STK31: variants seen among roughly 807,000 people sequenced by gnomAD.
STK31 encodes the protein serine/threonine-protein kinase 31.
In STK31, 89 loss-of-function variants were observed where a neutral mutation model predicts 129.7. The observed-to-expected ratio is 0.69, with a 90% CI of 0.58 to 0.82. The LOEUF is 0.82. STK31 is among the 40% of genes least tolerant of loss of function. STK31 has a pLI of 0.00. For synonymous variants in STK31, 448 were observed against 395.3 expected, an observed-to-expected ratio of 1.13 and a Z score of -1.58; for missense variants, 1,187 against 1,176.4, an observed-to-expected ratio of 1.01 and a Z score of -0.13.
chr7:23,814,625 G>A (rs1485950995), intron 22 of STK31, among the ~76,000 whole-genome samples: 1 of 152,058 alleles, frequency 6.6e-6, no homozygotes, highest in Non-Finnish European at 1.5e-5. Context: ...ATTGGCTGAT[G>A]GTTGTTAGGG....
chr7:23,712,533 T>C (rs1288560619), intron 3 of STK31, among the ~76,000 whole-genome samples: 1 of 152,190 alleles, frequency 6.6e-6, no homozygotes, highest in Non-Finnish European at 1.5e-5. Context: ...GGCAAGATTG[T>C]GATTTCAGAA....
chr7:23,794,917 G>A (rs754476508), intron 22 of STK31, among the ~76,000 whole-genome samples: 1 of 152,132 alleles, frequency 6.6e-6, no homozygotes, highest in Non-Finnish European at 1.5e-5. Flanking sequence ...ACAAAGATAT[G>A]GTTTGGAATT....
intron 22 of STK31, among the ~76,000 whole-genome samples, chr7:23,810,814 ATATAAATATG>A (rs1562623693): frequency 7.1e-6 from 1 of 140,978 alleles, no homozygotes; most frequent in Non-Finnish European, 1.5e-5. Flanking sequence ...ATATATTTGT[ATATAAATATG>A]TATAAATATA....
intron 4 of STK31, among the ~76,000 whole-genome samples, chr7:23,724,537 C>G (rs895766521): frequency 1.3e-5 from 2 of 152,194 alleles, no homozygotes; most frequent in African/African-American, 4.8e-5. Context: ...CCCTGCCTCA[C>G]CTGGTTTGCA....
chr7:23,823,232 G>A lies in STK31; in HGVS notation c.2829+8020G>A, dbSNP rs539398566. Among the ~76,000 whole-genome samples, 20 of 152,112 alleles carry A rather than the reference G, an allele frequency of 1.3e-4. No homozygotes were observed. The East Asian group carries it at 2.3e-3, about 18-fold the overall frequency. ...CCACCAACAGTGTAAAAGTGTTCCT[G>A]TTTCTCCACATCATCTCCAGCACCT... On this transcript the variant is annotated intron_variant, in intron 23 of 23. Coordinates refer to ENST00000355870, the MANE Select transcript of STK31 (RefSeq NM_031414.5).
chr7:23,768,837 G>T (rs1789992909), intron 11 of STK31, among the ~76,000 whole-genome samples, 158 bp from the exon 12 acceptor site: 1 of 152,128 alleles, frequency 6.6e-6, no homozygotes, highest in Admixed American at 6.5e-5. Context: ...AGGTAGTTTT[G>T]TGTTTTCATC....
Position 23,825,848 on chromosome 7 carries a change from C to T in STK31, c.2830-6288C>T, listed in dbSNP as rs1451361255. 4.6e-5 allele frequency among the ~76,000 whole-genome samples: 7 copies of T among 152,246 alleles called. No homozygotes were observed. The South Asian group carries it at 6.2e-4, about 14-fold the overall frequency. On this transcript the variant is annotated intron_variant, in intron 23 of 23. Transcript: ENST00000355870. ...AACATCTTTATTTCTGCCTTCATTT[C>T]GTTATGTGCTCAGTAGTCATTCAGG...
chr7:23,719,806 G>C (rs1310717451), intron 4 of STK31, among the ~76,000 whole-genome samples: 2 of 152,080 alleles, frequency 1.3e-5, no homozygotes, highest in African/African-American at 4.8e-5. Context: ...TATTGGAGCT[G>C]AGATTTTTGA....
intron 23 of STK31, among the ~76,000 whole-genome samples, chr7:23,816,923 C>T (rs1254367635): frequency 6.6e-6 from 1 of 152,112 alleles, no homozygotes; most frequent in African/African-American, 2.4e-5. Flanking sequence ...TGGTGGCTCA[C>T]GCCTGTAATC....
intron 22 of STK31, 25 bp downstream of exon 22, chr7:23,790,971 G>T: frequency 6.7e-7 from 1 of 1,483,154 alleles, no homozygotes; most frequent in Non-Finnish European, 9.0e-7. Flanking sequence ...TGTTGAAATA[G>T]ATCATATATA....
chr7:23,769,137 T>C lies in STK31; in HGVS notation c.1559T>C (p.Leu520Pro). 1 of 1,611,076 alleles carries C rather than the reference T, an allele frequency of 6.2e-7. No homozygotes were observed. Among genetic ancestry groups the C allele is most frequent in the Non-Finnish European group, 8.5e-7 (1 of 1,178,628 alleles). ...GTTAGAAGTGAAACAGACGCTTCTC[T>C]GCACCGTCTTGTAGCATGGTTCCAA... is the stretch of plus-strand genomic sequence containing the variant. Reference protein sequence around the residue: ...TSVRSETDASLHRLVAWFQRT... With the variant: ...TSVRSETDASPHRLVAWFQRT... The change falls in exon 12 of 24, where the codon CTG (leucine) becomes CCG (proline). Residue 520 changes from leucine (L) to proline (P), a missense_variant. Leu to Pro is a moderately conservative substitution (Grantham distance 98). Transcript: ENST00000355870.
intron 18 of STK31, among the ~76,000 whole-genome samples, chr7:23,786,056 GTTTCCCTCAT>G (rs1791264461): frequency 1.3e-5 from 2 of 151,664 alleles, no homozygotes; most frequent in South Asian, 4.2e-4. Flanking sequence ...AAAAAATAAA[GTTTCCCTCAT>G]TTCCCTAAAT....
chr7:23,733,239 G>T (rs866858008), intron 6 of STK31, among the ~76,000 whole-genome samples: 1 of 151,858 alleles, frequency 6.6e-6, no homozygotes, highest in African/African-American at 2.4e-5. Flanking sequence ...AAGTATTTTC[G>T]TGTTTTGTGG....
intron 8 of STK31, among the ~76,000 whole-genome samples, chr7:23,739,247 A>G: frequency 6.6e-6 from 1 of 152,108 alleles, no homozygotes; most frequent in South Asian, 2.1e-4. Flanking sequence ...GCTTTTTGTC[A>G]TAGTTTTTTG....
At chr7:23,725,380 A>G (rs868227872) in intron 4 of STK31, among the ~76,000 whole-genome samples, 8 of 146,298 alleles carry the variant, frequency 5.5e-5, no homozygotes, top group Admixed American at 1.4e-4. Context: ...TACAAAAAAA[A>G]AAAAAAAAAA....
At chr7:23,811,831 T>A (rs977992982) in intron 22 of STK31, among the ~76,000 whole-genome samples, 1 of 152,238 alleles carries the variant, frequency 6.6e-6, no homozygotes, top group Non-Finnish European at 1.5e-5. Context: ...TATTACATTC[T>A]AGTGATGTCA....
chr7:23,731,392 T>C (rs889917213), intron 6 of STK31, among the ~76,000 whole-genome samples: 1 of 152,192 alleles, frequency 6.6e-6, no homozygotes, highest in Non-Finnish European at 1.5e-5. Flanking sequence ...CTCTGTGGTG[T>C]TTTAGTCACT....
At chr7:23,744,976 AGT>A (rs770332331) in intron 8 of STK31, among the ~76,000 whole-genome samples, 5 of 152,030 alleles carry the variant, frequency 3.3e-5, no homozygotes, top group Non-Finnish European at 7.4e-5. Flanking sequence ...CAGACAGGTG[AGT>A]GTGTTCTTGG....
At chr7:23,731,041 G>T (rs917426187) in intron 6 of STK31, among the ~76,000 whole-genome samples, 1 of 150,650 alleles carries the variant, frequency 6.6e-6, no homozygotes, top group Non-Finnish European at 1.5e-5. Context: ...CCGCCACCAC[G>T]CATGGCTAAT....
Sources: gnomAD v4.1 joint callset for allele counts (sites outside exome capture counted in the v4.1 genomes callset) on GRCh38, gnomAD v4.1.1 for gene constraint, MANE v1.5 for transcripts, NCBI Gene and HGNC (gene_info 2026-07-23, HGNC 2026-07-21) for gene names.